Variants in TRIM38 observed in about 807,000 individuals in gnomAD.
TRIM38 encodes tripartite motif containing 38.
A neutral mutation model predicts 35.8 loss-of-function variants in TRIM38; 35 were observed. The ratio of observed to expected loss-of-function variants is 0.98; its 90% CI spans 0.75 to 1.30. The LOEUF is 1.30. TRIM38 is among the 50% of genes most tolerant of loss of function. TRIM38 has a pLI of 0.00. For synonymous variants in TRIM38, 198 were observed against 204.7 expected, an observed-to-expected ratio of 0.97 and a Z score of 0.28; for missense variants, 545 against 556.9, an observed-to-expected ratio of 0.98 and a Z score of 0.21.
At chr6:25,971,212 T>G (rs747577261) in intron 4 of TRIM38, among the ~76,000 whole-genome samples, 21 of 152,330 alleles carry the variant, frequency 1.4e-4, no homozygotes, top group Non-Finnish European at 2.9e-4. Context: ...AGTTTCACAA[T>G]TAAATTATCT....
At position 25,983,144 on chromosome 6, in the gene TRIM38, T is replaced by C; in HGVS notation, c.875-20T>C. The C allele has an allele frequency of 6.5e-7, 1 of 1,531,636 alleles. No individual in the cohort carries two copies. The highest frequency in any genetic ancestry group is 8.8e-7 in the Non-Finnish European group (1 of 1,140,628). 94.9% of individuals were successfully genotyped at this position (1,531,636 alleles called of 1,614,324 possible). ...TCACAGCAACAAAATTATTTTTGTT[T>C]GTTTTGTTTTGTTTTGCAGTTAGTG... On this transcript the variant is annotated intron_variant, in intron 7 of 7. Transcript: ENST00000357085.
In TRIM38 at chr6:25,983,803, G is replaced by T. The variant is rs1427973674; in HGVS notation, c.*116G>T. The T allele has an allele frequency of 2.7e-5, 26 of 974,092 alleles. No individual in the cohort carries two copies. Among genetic ancestry groups the T allele is most frequent in the Non-Finnish European group, 3.7e-5 (25 of 676,740 alleles). 60.3% of individuals were successfully genotyped at this position (974,092 alleles called of 1,614,324 possible). On this transcript the variant is annotated 3_prime_UTR_variant, in exon 8 of 8. Coordinates refer to ENST00000357085, the MANE Select transcript of TRIM38 (RefSeq NM_006355.5). ...TCATTTCCTTAGTAGTTAGACTAGT[G>T]CTGAGATTTTAGTGGATATATAATT... is the stretch of plus-strand genomic sequence containing the variant.
chr6:25,971,003 C>T (rs1760211706), intron 4 of TRIM38, among the ~76,000 whole-genome samples: 1 of 152,124 alleles, frequency 6.6e-6, no homozygotes, highest in Non-Finnish European at 1.5e-5. Flanking sequence ...TAATAAATGC[C>T]TGTCACACTC....
intron 7 of TRIM38, among the ~76,000 whole-genome samples, chr6:25,981,449 C>T (rs1289564322): frequency 6.6e-6 from 1 of 152,244 alleles, no homozygotes; most frequent in Non-Finnish European, 1.5e-5. Context: ...ACCAACTGAT[C>T]AACATTTAAC....
intron 5 of TRIM38, 24 bp from the exon 6 acceptor site, chr6:25,973,030 C>A: frequency 6.2e-7 from 1 of 1,614,072 alleles, no homozygotes; most frequent in South Asian, 1.1e-5. Context: ...CCCATGCTCA[C>A]CTTTTCTTTT....
intron 2 of TRIM38, 128 bp downstream of exon 2, chr6:25,963,410 T>C (rs1356925582): frequency 6.6e-6 from 1 of 150,904 alleles, no homozygotes; most frequent in Non-Finnish European, 1.5e-5. Context: ...GGATCGGGGG[T>C]ACAGGGAGAG....
Position 25,983,662 on chromosome 6 carries a change from T to C in TRIM38, c.1373T>C (p.Leu458Ser). The change falls in exon 8 of 8, where the codon TTG becomes TCG. Residue 458 changes from leucine (L) to serine (S), a missense_variant. By Grantham distance (145) the Leu-to-Ser change is moderately radical. Coordinates refer to ENST00000357085, the MANE Select transcript of TRIM38 (RefSeq NM_006355.5). ...TTCCAGGTTTATCAATATTCTCCTT[T>C]GTTTCTGCCTCCCCCAGGTGACTAA... is the stretch of plus-strand genomic sequence containing the variant. ...PYFQVYQYSP[L>S]FLPPPGD The C allele has an allele frequency of 6.3e-7, 1 of 1,599,874 alleles. No homozygotes were observed. Among genetic ancestry groups the C allele is most frequent in the Non-Finnish European group, 8.5e-7 (1 of 1,173,494 alleles).
At position 25,985,309 on chromosome 6, in the gene TRIM38, A is replaced by AAAAAAG. The variant is rs1554143480; in HGVS notation, c.*1625_*1626insAAGAAA. 6.8e-4 allele frequency: 102 copies of AAAAAAG among 150,832 alleles called. No individual in the cohort carries two copies. The highest frequency in any genetic ancestry group is 2.3e-3 in the African/African-American group (95 of 40,646). The allele number at this position is 150,832 out of a possible 1,614,324, so 9.3% of individuals were successfully genotyped here. On this transcript the variant is annotated 3_prime_UTR_variant, in exon 8 of 8. Transcript: ENST00000357085. ...CTTTTTTTTTAAAAAAAAAAAAAAA[A>AAAAAAG]AAAGGGAAAGAAAAAGTTGCCTTCC...
rs1351026795 is a variant in TRIM38, at chr6:25,972,105, G to C, written c.738+6G>C. The C allele has an allele frequency of 6.2e-7, 1 of 1,613,504 alleles. No individual in the cohort carries two copies. ...CAGCCCAGAAATTGCTGCAGGTGAG[G>C]CTGTGTACTTGGAGTAGGGAAAAAA... On this transcript the variant is annotated splice_donor_region_variant and intron_variant, in intron 5 of 7. Transcript: ENST00000357085.
Position 25,985,309 on chromosome 6 carries a change from A to AAAAAAAG in TRIM38, c.*1625_*1626insAAAGAAA, listed in dbSNP as rs1554143480. 1.3e-5 allele frequency: 2 copies of AAAAAAAG among 150,754 alleles called. No homozygotes were observed. The highest frequency in any genetic ancestry group is 4.9e-5 in the African/African-American group (2 of 40,560). The allele number at this position is 150,754 out of a possible 1,614,324, so 9.3% of individuals were successfully genotyped here. ...CTTTTTTTTTAAAAAAAAAAAAAAA[A>AAAAAAAG]AAAGGGAAAGAAAAAGTTGCCTTCC... On this transcript the variant is annotated 3_prime_UTR_variant, in exon 8 of 8. Transcript: ENST00000357085.
intron 7 of TRIM38, among the ~76,000 whole-genome samples, chr6:25,982,157 G>C (rs1760562639): frequency 1.3e-5 from 2 of 152,126 alleles, no homozygotes; most frequent in African/African-American, 2.4e-5. Context: ...TTGTGGCTTG[G>C]ATGGAACCCA....
intron 7 of TRIM38, chr6:25,975,081 G>A (rs936741838): frequency 8.6e-6 from 8 of 925,450 alleles, no homozygotes; most frequent in Non-Finnish European, 1.0e-5. Flanking sequence ...CGCCCAGGCT[G>A]GAGTGCAGTG....
At position 25,964,739 on chromosome 6, in the gene TRIM38, A is replaced by G. The variant is rs143736765; in HGVS notation, c.-189+1457A>G. ...GGGTGAAGCTCCCCATACTCCTTCA[A>G]TGGAATCTGTCACAGATCACCCAAT... is the stretch of plus-strand genomic sequence containing the variant. On this transcript the variant is annotated intron_variant, in intron 2 of 7. Transcript: ENST00000357085. 2.4e-3 allele frequency among the ~76,000 whole-genome samples: 366 copies of G among 152,210 alleles called. 1 individual carries two copies. Among genetic ancestry groups the G allele is most frequent in the African/African-American group, 7.3e-3 (302 of 41,500 alleles).
intron 7 of TRIM38, among the ~76,000 whole-genome samples, chr6:25,977,811 C>G (rs777145166): frequency 2.6e-5 from 4 of 152,070 alleles, no homozygotes; most frequent in Non-Finnish European, 4.4e-5. Flanking sequence ...AAGACAATTG[C>G]TAGGTTGGTG....
intron 7 of TRIM38, among the ~76,000 whole-genome samples, chr6:25,979,084 TATATA>T (rs1356524006): frequency 6.6e-6 from 1 of 152,042 alleles, no homozygotes; most frequent in Non-Finnish European, 1.5e-5. Context: ...ACACTATACA[TATATA>T]ATATGTAGAA....
chr6:25,964,815 CT>C (rs35178475), intron 2 of TRIM38, among the ~76,000 whole-genome samples: 42 of 145,552 alleles, frequency 2.9e-4, no homozygotes, highest in Admixed American at 2.7e-4. Flanking sequence ...ACCAATTATT[CT>C]TTTTTTTTTT....
intron 2 of TRIM38, among the ~76,000 whole-genome samples, chr6:25,963,639 A>G (rs1230655624): frequency 1.3e-5 from 2 of 152,222 alleles, no homozygotes; most frequent in African/African-American, 2.4e-5. Flanking sequence ...CTCTGATCCC[A>G]TAGAAATAAC....
At chr6:25,973,151 C>T in intron 6 of TRIM38, 22 bp from the exon 7 acceptor site, 1 of 1,614,104 alleles carries the variant, frequency 6.2e-7, no homozygotes, top group Non-Finnish European at 8.5e-7. Flanking sequence ...CTGAAGAAAT[C>T]TCTCGCCTCT....
chr6:25,988,467 T>C lies in TRIM38; in HGVS notation c.*4780T>C, dbSNP rs1252936321. ...GTTTTCATGGCTTGATCGTTTCTTT[T>C]CTTTTTCTTTTTCTTTTTTCTTTTC... On this transcript the variant is annotated 3_prime_UTR_variant, in exon 8 of 8. Coordinates refer to ENST00000357085, the MANE Select transcript of TRIM38 (RefSeq NM_006355.5). 7.0e-6 allele frequency: 1 copy of C among 142,442 alleles called. No individual in the cohort carries two copies. Among genetic ancestry groups the C allele is most frequent in the Non-Finnish European group, 1.5e-5 (1 of 66,792 alleles). 8.8% of individuals were successfully genotyped at this position (142,442 alleles called of 1,614,324 possible). A position where few individuals can be genotyped will look rare whatever the true frequency, so the allele number is the denominator to read the frequency against.
Sources: gnomAD v4.1 joint callset for allele counts (sites outside exome capture counted in the v4.1 genomes callset) on GRCh38, gnomAD v4.1.1 for gene constraint, MANE v1.5 for transcripts, NCBI Gene and HGNC (gene_info 2026-07-23, HGNC 2026-07-21) for gene names.